The following RCVRN variants were observed in gnomAD, a reference collection of about 807,000 sequenced individuals.
The protein encoded by RCVRN is recoverin.
In RCVRN, 23 loss-of-function variants were observed where a neutral mutation model predicts 20.4. That is an observed-to-expected ratio of 1.13 (90% CI 0.81 to 1.60). The LOEUF (loss-of-function observed/expected upper bound fraction) is 1.60, where lower values mean the gene tolerates loss of function less well. Among genes scored for constraint, RCVRN ranks in the 40% most tolerant of loss-of-function variants. The pLI is 0.00. For missense variants in RCVRN, 254 were observed against 254.2 expected (o/e 1.00, Z 0.00); for synonymous variants, 105 against 105.9 (o/e 0.99, Z 0.05).
chr17:9,905,035 A>G lies in RCVRN; in HGVS notation c.146T>C (p.Phe49Ser), dbSNP rs1381879654. 4.3e-6 allele frequency: 7 copies of G among 1,613,494 alleles called. No individual in the cohort carries two copies. The highest frequency in any genetic ancestry group is 5.9e-6 in the Non-Finnish European group (7 of 1,179,776). The change falls in exon 1 of 3, where the codon TTC becomes TCC. Residue 49 changes from phenylalanine to serine, a missense_variant. Transcript: ENST00000226193. Reference sequence around the variant, plus strand: ...GAAGAACTTGGCGTAGATGCTCTGGAACTGCTGCTGGGTGATGCGGCCGGT... The same window carrying G: ...GAAGAACTTGGCGTAGATGCTCTGGGACTGCTGCTGGGTGATGCGGCCGGT... ...CPTGRITQQQ[F>S]QSIYAKFFPD...
rs1451142736 is a variant in RCVRN, at chr17:9,896,736, T to C, written c.*1359A>G. ...CATTGGGACTCCTTTTCCTTGTCTC[T>C]AAAACAAGGGGCTTTAGGGCCATCT... On this transcript the variant is annotated 3_prime_UTR_variant, in exon 3 of 3. Coordinates refer to ENST00000226193, the MANE Select transcript of RCVRN (RefSeq NM_002903.3). 2 of 152,268 alleles carry C rather than the reference T, an allele frequency of 1.3e-5. No individual in the cohort carries two copies. Among genetic ancestry groups the C allele is most frequent in the Non-Finnish European group, 2.9e-5 (2 of 68,066 alleles). 9.4% of individuals were successfully genotyped at this position (152,268 alleles called of 1,614,324 possible). A position where few individuals can be genotyped will look rare whatever the true frequency, so the allele number is the denominator to read the frequency against.
rs2067331574 is a variant in RCVRN, at chr17:9,899,226, G to A, written c.494-1022C>T. On this transcript the variant is annotated intron_variant, in intron 2 of 2. Transcript: ENST00000226193. The surrounding 1 kb of genome is among the most constrained non-coding windows in gnomAD (Gnocchi z 4.6). ...AATGTGATTTCTGACTTATGCTCTG[G>A]GCCTTTTGGATACCTTTAATCCCTT... Among the ~76,000 whole-genome samples the A allele has an allele frequency of 6.6e-6, 1 of 152,060 alleles. No individual in the cohort carries two copies. Among genetic ancestry groups the A allele is most frequent in the Admixed American group, 6.5e-5 (1 of 15,268 alleles).
At position 9,896,676 on chromosome 17, in the gene RCVRN, A is replaced by G. The variant is rs2067318351; in HGVS notation, c.*1419T>C. 6.6e-6 allele frequency: 1 copy of G among 152,256 alleles called. No homozygotes were observed. Among genetic ancestry groups the G allele is most frequent in the African/African-American group, 2.4e-5 (1 of 41,450 alleles). The allele number at this position is 152,256 out of a possible 1,614,324, so 9.4% of individuals were successfully genotyped here. A position where few individuals can be genotyped will look rare whatever the true frequency, so the allele number is the denominator to read the frequency against. ...GGTAGCCCTTGCCTGACCTCTGCTC[A>G]TCAGCTGGCTGCCCTTGGGCAAGCT... is the stretch of plus-strand genomic sequence containing the variant. On this transcript the variant is annotated 3_prime_UTR_variant, in exon 3 of 3. Transcript: ENST00000226193.
rs923149459 is a variant in RCVRN at position 9,898,007 on chromosome 17, C to CGT, written c.*86_*87dup. On this transcript the variant is annotated 3_prime_UTR_variant, in exon 3 of 3. Transcript: ENST00000226193. ...ATGTGTGTGTGTGTGTGTGCGCGCG[C>CGT]GTGTGTGTGCATGTGTGTGTGTGTG... The CGT allele has an allele frequency of 1.4e-4, 109 of 799,742 alleles. No homozygotes were observed. The highest frequency in any genetic ancestry group is 1.5e-4 in the Non-Finnish European group (67 of 451,098). 49.5% of individuals were successfully genotyped at this position (799,742 alleles called of 1,614,324 possible).
rs201898812 is a variant in RCVRN at position 9,904,844 on chromosome 17, C to T, written c.337G>A (p.Gly113Ser). 128 of 1,614,176 alleles carry T rather than the reference C, an allele frequency of 7.9e-5. No homozygotes were observed. Among genetic ancestry groups the T allele is most frequent in the South Asian group, 4.8e-4 (44 of 91,080 alleles). ...TCATTCTTGCTGATGGTCCCGTTAC[C>T]GTCCACGTCGTAGAGGGAGAAGGCC... is the stretch of plus-strand genomic sequence containing the variant. The part of the protein sequence containing the change: ...EWAFSLYDVD[G>S]NGTISKNEVL... Residue 113 changes from glycine (G) to serine (S), a missense_variant, in exon 1 of 3, where the codon GGT (glycine) becomes AGT (serine). By Grantham distance (56) the Gly-to-Ser change is moderately conservative (BLOSUM62 0). Transcript: ENST00000226193. The surrounding 1 kb of genome is among the most constrained non-coding windows in gnomAD (Gnocchi z 5.8).
Position 9,905,214 on chromosome 17 carries a change from G to A in RCVRN, c.-34C>T, listed in dbSNP as rs374679231. ...AAGAGTGGGCAGCGGCTGGGGAGTC[G>A]CTGGGTGGGTGGGACGTGCGTGGTC... On this transcript the variant is annotated 5_prime_UTR_variant, in exon 1 of 3. Coordinates refer to ENST00000226193, the MANE Select transcript of RCVRN (RefSeq NM_002903.3). The A allele has an allele frequency of 7.7e-5, 120 of 1,567,786 alleles. No individual in the cohort carries two copies. The African/African-American group carries it at 1.4e-3, about 18-fold the overall frequency.
In RCVRN at chr17:9,904,841, T is replaced by C. The variant is rs1403041465; in HGVS notation, c.340A>G (p.Asn114Asp). The C allele has an allele frequency of 6.2e-7, 1 of 1,614,066 alleles. No individual in the cohort carries two copies. Among genetic ancestry groups the C allele is most frequent in the African/African-American group, 1.3e-5 (1 of 74,918 alleles). The part of the protein sequence containing the change: ...WAFSLYDVDG[N>D]GTISKNEVLE... ...ACTTCATTCTTGCTGATGGTCCCGT[T>C]ACCGTCCACGTCGTAGAGGGAGAAG... The change falls in exon 1 of 3, where the codon AAC becomes GAC. Residue 114 changes from asparagine (N) to aspartate (D), a missense_variant. Physicochemically the swap from Asn to Asp is conservative, Grantham distance 23. Coordinates refer to ENST00000226193, the MANE Select transcript of RCVRN (RefSeq NM_002903.3). This position sits in a 1 kb window ranked among gnomAD's most constrained non-coding sequence, Gnocchi z 5.8.
intron 2 of RCVRN, among the ~76,000 whole-genome samples, 197 bp downstream of exon 2, chr17:9,900,792 A>G (rs2067337961): frequency 6.6e-6 from 1 of 152,142 alleles, no homozygotes; most frequent in Non-Finnish European, 1.5e-5. Context: ...AATTGCACAG[A>G]AAACAGTTTT....
chr17:9,904,949 C>G lies in RCVRN; in HGVS notation c.232G>C (p.Asp78His), dbSNP rs777897509. ...HVFRSFDSNLDGTLDFKEYVI... is the reference protein window; with the variant it reads ...HVFRSFDSNLHGTLDFKEYVI... ...TACTCCTTGAAGTCCAGGGTGCCGT[C>G]GAGGTTGGAATCGAAGCTGCGGAAC... Residue 78 changes from aspartate (D) to histidine (H), a missense_variant, in exon 1 of 3, where the codon GAC (aspartate) becomes CAC (histidine). Transcript: ENST00000226193. The surrounding 1 kb of genome is among the most constrained non-coding windows in gnomAD (Gnocchi z 5.8). The G allele has an allele frequency of 4.3e-6, 7 of 1,614,034 alleles. No individual in the cohort carries two copies. The East Asian group carries it at 1.1e-4, about 26-fold the overall frequency.
In RCVRN at chr17:9,899,326, C is replaced by G. The variant is rs528087525; in HGVS notation, c.494-1122G>C. Among the ~76,000 whole-genome samples, 7 of 152,302 alleles carry G rather than the reference C, an allele frequency of 4.6e-5. No individual in the cohort carries two copies. In the South Asian group the frequency reaches 1.2e-3, roughly 27 times the overall value. ...TTGGGTTTTAACATCCCAGCCACCC[C>G]ACAGAGAGCTCACAGAGAGCTTGAA... On this transcript the variant is annotated intron_variant, in intron 2 of 2. Transcript: ENST00000226193. This position sits in a 1 kb window ranked among gnomAD's most constrained non-coding sequence, Gnocchi z 4.6.
chr17:9,897,830 G>A lies in RCVRN; in HGVS notation c.*265C>T. 1 of 457,024 alleles carries A rather than the reference G, an allele frequency of 2.2e-6. No homozygotes were observed. Among genetic ancestry groups the A allele is most frequent in the Non-Finnish European group, 4.0e-6 (1 of 251,978 alleles). The allele number at this position is 457,024 out of a possible 1,614,324, so 28.3% of individuals were successfully genotyped here. ...TGGGATTAGCACAGGGCCATGGGCT[G>A]GTGGACAGAGGGAGGGGTGGGACCG... On this transcript the variant is annotated 3_prime_UTR_variant, in exon 3 of 3. Transcript: ENST00000226193.
Position 9,905,254 on chromosome 17 carries a change from T to A in RCVRN, c.-74A>T. On this transcript the variant is annotated 5_prime_UTR_variant, in exon 1 of 3. Transcript: ENST00000226193. ...CGTGCGTGGTCCCCTGGCCGCAGGC[T>A]GGGCTCAAGGCTGGTGTGAGCTGAA... 4 of 1,459,854 alleles carry A rather than the reference T, an allele frequency of 2.7e-6. No homozygotes were observed. Among genetic ancestry groups the A allele is most frequent in the South Asian group, 1.4e-5 (1 of 73,524 alleles). 90.4% of individuals were successfully genotyped at this position (1,459,854 alleles called of 1,614,324 possible). A position where few individuals can be genotyped will look rare whatever the true frequency, so the allele number is the denominator to read the frequency against.
Position 9,904,586 on chromosome 17 carries a change from C to T in RCVRN, c.381+214G>A, listed in dbSNP as rs1187350746. 6.6e-6 allele frequency among the ~76,000 whole-genome samples: 1 copy of T among 152,208 alleles called. No individual in the cohort carries two copies. Among genetic ancestry groups the T allele is most frequent in the Non-Finnish European group, 1.5e-5 (1 of 68,034 alleles). On this transcript the variant is annotated intron_variant, in intron 1 of 2. Coordinates refer to ENST00000226193, the MANE Select transcript of RCVRN (RefSeq NM_002903.3). The surrounding 1 kb of genome is among the most constrained non-coding windows in gnomAD (Gnocchi z 5.8). ...CATAACATGGCTGTATTAGGAAACA[C>T]TCAGATTCTGCTCCGGGAAGACAAC...
Position 9,898,018 on chromosome 17 carries a change from ATG to A in RCVRN, c.*75_*76del, listed in dbSNP as rs760660418. The A allele has an allele frequency of 6.4e-4, 541 of 845,180 alleles. No individual in the cohort carries two copies. Among genetic ancestry groups the A allele is most frequent in the Non-Finnish European group, 7.8e-4 (387 of 494,134 alleles). The allele number at this position is 845,180 out of a possible 1,614,324, so 52.4% of individuals were successfully genotyped here. On this transcript the variant is annotated 3_prime_UTR_variant, in exon 3 of 3. Coordinates refer to ENST00000226193, the MANE Select transcript of RCVRN (RefSeq NM_002903.3). The stretch of plus-strand genomic sequence containing the variant: ...TGTGTGTGCGCGCGCGTGTGTGTGC[ATG>A]TGTGTGTGTGTGCACAGGCGCTCAC...
intron 1 of RCVRN, among the ~76,000 whole-genome samples, chr17:9,903,230 A>G (rs1184502902): frequency 6.6e-6 from 1 of 152,236 alleles, no homozygotes; most frequent in Non-Finnish European, 1.5e-5. Flanking sequence ...TCTAAATTTC[A>G]TGAGTTACTT....
intron 2 of RCVRN, among the ~76,000 whole-genome samples, chr17:9,900,302 TG>T (rs1180798723): frequency 1.3e-5 from 2 of 152,186 alleles, no homozygotes; most frequent in African/African-American, 4.8e-5. Flanking sequence ...AGCCGAGTGC[TG>T]GAGTCCATCA....
chr17:9,898,045 C>T lies in RCVRN; in HGVS notation c.*50G>A, dbSNP rs770972201. The T allele has an allele frequency of 1.2e-5, 15 of 1,221,944 alleles. No individual in the cohort carries two copies. Among genetic ancestry groups the T allele is most frequent in the Admixed American group, 6.7e-5 (4 of 59,372 alleles). 75.7% of individuals were successfully genotyped at this position (1,221,944 alleles called of 1,614,324 possible). On this transcript the variant is annotated 3_prime_UTR_variant, in exon 3 of 3. Transcript: ENST00000226193. ...GTGTGTGTGTGTGCACAGGCGCTCACGGGTGTCATGTGAGTGGTAGGTGGA... is the reference window on the plus strand; with the variant it reads ...GTGTGTGTGTGTGCACAGGCGCTCATGGGTGTCATGTGAGTGGTAGGTGGA...
At chr17:9,902,563 T>TAAGTAA (rs200892147) in intron 1 of RCVRN, among the ~76,000 whole-genome samples, 26,473 of 149,042 alleles carry the variant, frequency 0.18, 2,968 homozygotes, top group Non-Finnish European at 0.26. Context: ...TGAAAAAGAA[T>TAAGTAA]AAATTAAAAA....
chr17:9,904,182 AG>A lies in RCVRN; in HGVS notation c.381+617del, dbSNP rs2067352978. On this transcript the variant is annotated intron_variant, in intron 1 of 2. Transcript: ENST00000226193. This position sits in a 1 kb window ranked among gnomAD's most constrained non-coding sequence, Gnocchi z 5.8. ...CTTGAACTCGGGAGGCAGAGGTTGC[AG>A]TGAGCCAAGATCGCACTATTGCACT... 6.6e-6 allele frequency among the ~76,000 whole-genome samples: 1 copy of A among 152,230 alleles called. No homozygotes were observed. Among genetic ancestry groups the A allele is most frequent in the Non-Finnish European group, 1.5e-5 (1 of 68,044 alleles).
Sources: gnomAD v4.1 joint callset for allele counts (sites outside exome capture counted in the v4.1 genomes callset) on GRCh38, gnomAD v4.1.1 for gene constraint, Gnocchi (gnomAD v3.1) non-coding constraint, MANE v1.5 for transcripts, NCBI Gene and HGNC (gene_info 2026-07-23, HGNC 2026-07-21) for gene names.